Variants in PTGR1 observed in about 807,000 individuals in gnomAD.
PTGR1 encodes prostaglandin reductase 1, also known as 15-oxoprostaglandin 13-reductase.
Under a neutral mutation model 37.7 loss-of-function variants are expected in PTGR1, and 23 were observed. The observed-to-expected ratio is 0.61, with a 90% CI of 0.44 to 0.86. The LOEUF (loss-of-function observed/expected upper bound fraction) is 0.86. Among genes scored for constraint, PTGR1 ranks in the 40% least tolerant of loss-of-function variants. The probability of loss-of-function intolerance (pLI) is 0.00; values close to 1 mark genes in which losing one functional copy is unlikely to be tolerated. For missense variants in PTGR1, 351 were observed against 394.3 expected, an observed-to-expected ratio of 0.89 and a Z score of 0.93; for synonymous variants, 134 against 140.0, an observed-to-expected ratio of 0.96 and a Z score of 0.30.
chr9:111,549,785 A>T (rs1224274542), exon 10 of PTGR1: 1 of 1,544,690 alleles, frequency 6.5e-7, no homozygotes, highest in African/African-American at 1.4e-5. Context: ...AATCTTCTTC[A>T]TTTTCTCTTT....
intron 9 of PTGR1, among the ~76,000 whole-genome samples, chr9:111,554,452 C>A (rs1192635194): frequency 6.6e-6 from 1 of 152,186 alleles, no homozygotes; most frequent in African/African-American, 2.4e-5. Context: ...TCACCAAACT[C>A]TTTCTTCCCA....
chr9:111,561,584 T>C (rs925826589), downstream of PTGR1, among the ~76,000 whole-genome samples: 4 of 152,162 alleles, frequency 2.6e-5, no homozygotes, highest in Non-Finnish European at 5.9e-5. Context: ...TTTAAGTTTT[T>C]CTTCATATAA....
At chr9:111,591,637 T>TG (rs973772932) in intron 4 of PTGR1, among the ~76,000 whole-genome samples, 48 of 152,252 alleles carry the variant, frequency 3.2e-4, no homozygotes, top group Admixed American at 2.9e-3. Context: ...CCCAAAGTGC[T>TG]GGGATCACAG....
chr9:111,586,062 G>C lies in PTGR1; in HGVS notation c.313C>G (p.Leu105Val). 7 of 1,614,206 alleles carry C rather than the reference G, an allele frequency of 4.3e-6. No individual in the cohort carries two copies. The highest frequency in any genetic ancestry group is 5.9e-6 in the Non-Finnish European group (7 of 1,180,046). The part of the protein sequence containing the change: ...SISDGKDLEK[L>V]LTEWPDTIPL... The stretch of plus-strand genomic sequence containing the variant: ...ATTGTGTCTGGCCACTCTGTCAGCA[G>C]CTTTTCCAGATCTTTCCCATCAGAA... The change falls in exon 5 of 10, where the codon CTG (leucine) becomes GTG (valine). Residue 105 changes from leucine to valine, a missense_variant. Transcript: ENST00000407693.
intron 4 of PTGR1, among the ~76,000 whole-genome samples, chr9:111,587,891 T>C (rs887348145): frequency 3.3e-5 from 5 of 152,228 alleles, no homozygotes; most frequent in Admixed American, 2.6e-4. Flanking sequence ...TGAATTTAAT[T>C]ACACCCCCAT....
At chr9:111,551,175 C>G (rs1827931340) in intron 9 of PTGR1, among the ~76,000 whole-genome samples, 1 of 152,050 alleles carries the variant, frequency 6.6e-6, no homozygotes, top group African/African-American at 2.4e-5. Context: ...ATCATGTAAT[C>G]AATGTAAAAA....
chr9:111,553,576 C>G (rs1828035300), intron 9 of PTGR1, among the ~76,000 whole-genome samples: 1 of 152,156 alleles, frequency 6.6e-6, no homozygotes, highest in African/African-American at 2.4e-5. Flanking sequence ...TCAAATCAAT[C>G]TGTTGATACT....
At chr9:111,579,100 A>G (rs980970559) in intron 6 of PTGR1, 149 bp from the exon 7 acceptor site, 1 of 713,662 alleles carries the variant, frequency 1.4e-6, no homozygotes, top group African/African-American at 1.8e-5. Context: ...ATGGGCCAAC[A>G]GATCCCATAG....
intron 8 of PTGR1, 103 bp from the exon 9 acceptor site, chr9:111,570,312 T>C: frequency 6.8e-7 from 1 of 1,463,612 alleles, no homozygotes; most frequent in African/African-American, 1.4e-5. Flanking sequence ...TGGGAGTTTT[T>C]TGGTGCTTCT....
At chr9:111,555,284 G>T (rs1401657590) in intron 9 of PTGR1, among the ~76,000 whole-genome samples, 3 of 152,120 alleles carry the variant, frequency 2.0e-5, no homozygotes, top group Non-Finnish European at 4.4e-5. Context: ...GCAAAATAAG[G>T]TAGGAGTGGC....
intron 6 of PTGR1, 132 bp from the exon 7 acceptor site, chr9:111,579,083 T>G: frequency 1.2e-6 from 1 of 829,216 alleles, no homozygotes; most frequent in Non-Finnish European, 1.8e-6. Flanking sequence ...ATAAAAGGAA[T>G]ACCATAATGG....
intron 9 of PTGR1, among the ~76,000 whole-genome samples, chr9:111,567,138 G>A (rs1269145696): frequency 6.6e-6 from 1 of 151,600 alleles, no homozygotes; most frequent in Non-Finnish European, 1.5e-5. Context: ...CAAGAATGAA[G>A]AGGGAATGCA....
chr9:111,597,566 C>T, intron 1 of PTGR1, 134 bp from the exon 2 acceptor site: 1 of 606,190 alleles, frequency 1.6e-6, no homozygotes, highest in South Asian at 2.1e-5. Context: ...ATGCCAACCA[C>T]ATTCATTTAA....
chr9:111,559,590 ACACACACT>A (rs1047473549), downstream of PTGR1, among the ~76,000 whole-genome samples: 1 of 151,830 alleles, frequency 6.6e-6, no homozygotes, highest in Non-Finnish European at 1.5e-5. Context: ...GTGTCCACAC[ACACACACT>A]CACACACACA....
chr9:111,593,265 A>G (rs1195316193), intron 3 of PTGR1, among the ~76,000 whole-genome samples: 1 of 152,200 alleles, frequency 6.6e-6, no homozygotes, highest in Non-Finnish European at 1.5e-5. Flanking sequence ...ATGTTCAAGT[A>G]AAGATGAATT....
chr9:111,561,126 GAGA>G, downstream of PTGR1, among the ~76,000 whole-genome samples: 2 of 59,978 alleles, frequency 3.3e-5, no homozygotes, highest in Non-Finnish European at 6.2e-5. Context: ...GAGAGAGAGA[GAGA>G]GAGAGAGAGG....
downstream of PTGR1, among the ~76,000 whole-genome samples, chr9:111,561,282 T>G (rs1267541835): frequency 1.3e-5 from 2 of 151,738 alleles, no homozygotes; most frequent in Non-Finnish European, 2.9e-5. Context: ...GTTTTGTTTT[T>G]AATTTTTTTT....
chr9:111,592,831 G>T, intron 4 of PTGR1, 95 bp downstream of exon 4: 1 of 1,508,720 alleles, frequency 6.6e-7, no homozygotes, highest in Non-Finnish European at 8.9e-7. Context: ...AACATAGGCT[G>T]AAGAAATTGT....
intron 9 of PTGR1, among the ~76,000 whole-genome samples, chr9:111,566,601 AG>A (rs1425378436): frequency 1.3e-5 from 2 of 152,236 alleles, no homozygotes; most frequent in African/African-American, 4.8e-5. Context: ...ATCACAGCAC[AG>A]GACTAAGGGA....
Sources: allele counts gnomAD v4.1 joint callset (sites outside exome capture counted in the v4.1 genomes callset), GRCh38; gene constraint gnomAD v4.1.1; transcripts MANE v1.5; gene names NCBI Gene and HGNC (gene_info 2026-07-23, HGNC 2026-07-21).